WDR41: variants seen among roughly 807,000 people sequenced by gnomAD.
The protein encoded by WDR41 is WD repeat domain 41.
A neutral mutation model predicts 69.3 loss-of-function variants in WDR41; 63 were observed. The ratio of observed to expected loss-of-function variants is 0.91; its 90% CI spans 0.74 to 1.12. WDR41 has a LOEUF of 1.12. Ranked by LOEUF, WDR41 falls within the 50% of genes most tolerant of loss-of-function variation. The probability of loss-of-function intolerance (pLI) is 0.00; values close to 1 mark genes in which losing one functional copy is unlikely to be tolerated. For missense variants in WDR41, 543 were observed against 534.5 expected (o/e 1.02, Z -0.16); for synonymous variants, 185 against 192.1 (o/e 0.96, Z 0.31).
chr5:77,572,741 T>C (rs1299829719), intron 1 of WDR41, among the ~76,000 whole-genome samples: 1 of 152,248 alleles, frequency 6.6e-6, no homozygotes. Flanking sequence ...TGTCTCAAAG[T>C]GGTCAATTTC....
intron 1 of WDR41, among the ~76,000 whole-genome samples, chr5:77,490,870 A>T (rs3843485): frequency 0.33 from 49,881 of 152,208 alleles, 8,255 homozygotes; most frequent in East Asian, 0.36. Context: ...TTTTAAAAAC[A>T]GACAATACCG....
rs544675721 is a variant in WDR41, at chr5:77,533,022, A to T, written c.43-43450T>A. ...ATGTATTTTGTATTTCACAATTTTT[A>T]AAAGTAAAAAATATCTTGCATACAC... On this transcript the variant is annotated intron_variant, in intron 1 of 5. Coordinates refer to the WDR41 transcript ENST00000509971. 6.6e-5 allele frequency among the ~76,000 whole-genome samples: 10 copies of T among 152,290 alleles called. No homozygotes were observed. In the East Asian group the frequency reaches 1.7e-3, roughly 26 times the overall value.
chr5:77,463,318 T>C, intron 3 of WDR41, 92 bp from the exon 4 acceptor site: 5 of 1,143,484 alleles, frequency 4.4e-6, no homozygotes, highest in Non-Finnish European at 6.0e-6. Flanking sequence ...ATATAGAAGA[T>C]ACATATACAT....
chr5:77,478,370 C>A (rs1039627766), intron 2 of WDR41, among the ~76,000 whole-genome samples: 7 of 151,976 alleles, frequency 4.6e-5, no homozygotes, highest in Admixed American at 1.3e-4. Context: ...GAGACATAAC[C>A]GAAAAAGAGA....
At chr5:77,501,955 C>T (rs1281855351) in intron 1 of WDR41, among the ~76,000 whole-genome samples, 1 of 152,036 alleles carries the variant, frequency 6.6e-6, no homozygotes, top group Non-Finnish European at 1.5e-5. Context: ...TTCTAAACAC[C>T]AGAGTACCTC....
At chr5:77,584,393 G>T (rs1161551216) in intron 1 of WDR41, among the ~76,000 whole-genome samples, 2 of 152,178 alleles carry the variant, frequency 1.3e-5, no homozygotes, top group African/African-American at 4.8e-5. Context: ...GAGCAAGGTT[G>T]CAATAAACCA....
At chr5:77,501,013 T>C (rs188880928) in intron 1 of WDR41, among the ~76,000 whole-genome samples, 50 of 152,320 alleles carry the variant, frequency 3.3e-4, no homozygotes, top group African/African-American at 1.2e-3. Flanking sequence ...GTTCATCTCA[T>C]TGGGACTGCT....
At chr5:77,535,931 G>A (rs1020250562) in intron 1 of WDR41, among the ~76,000 whole-genome samples, 2 of 152,142 alleles carry the variant, frequency 1.3e-5, no homozygotes, top group African/African-American at 4.8e-5. Context: ...TCTTTCATCT[G>A]CCCTTATAAG....
chr5:77,526,623 A>T (rs1396016482), intron 1 of WDR41, among the ~76,000 whole-genome samples: 1 of 152,092 alleles, frequency 6.6e-6, no homozygotes, highest in Non-Finnish European at 1.5e-5. Flanking sequence ...TATATTTTTA[A>T]CACTTCAATG....
intron 8 of WDR41, among the ~76,000 whole-genome samples, chr5:77,448,188 G>A (rs896005148): frequency 6.6e-6 from 1 of 152,088 alleles, no homozygotes; most frequent in Non-Finnish European, 1.5e-5. Flanking sequence ...GTAATGGGCC[G>A]AATACTGCTG....
chr5:77,615,414 T>TG (rs1744660584), intron 1 of WDR41, among the ~76,000 whole-genome samples: 1 of 152,054 alleles, frequency 6.6e-6, no homozygotes, highest in South Asian at 2.1e-4. Flanking sequence ...TTTTTTAAAA[T>TG]GGGAAAAAGA....
chr5:77,479,926 T>C (rs1459425109), intron 2 of WDR41, among the ~76,000 whole-genome samples: 1 of 152,038 alleles, frequency 6.6e-6, no homozygotes, highest in Non-Finnish European at 1.5e-5. Flanking sequence ...CCTACTCATC[T>C]GACAAAGGGC....
At chr5:77,613,331 C>T (rs1453115354) in intron 1 of WDR41, among the ~76,000 whole-genome samples, 4 of 152,218 alleles carry the variant, frequency 2.6e-5, no homozygotes, top group East Asian at 1.9e-4. Context: ...GAGCCCGCAT[C>T]GCCAAGCCAA....
At chr5:77,539,983 C>A (rs1383988607) in intron 1 of WDR41, among the ~76,000 whole-genome samples, 2 of 152,132 alleles carry the variant, frequency 1.3e-5, no homozygotes, top group African/African-American at 4.8e-5. Context: ...TATAGCTGGG[C>A]CTTTACATAC....
At chr5:77,509,638 A>G (rs1256081782) in intron 1 of WDR41, among the ~76,000 whole-genome samples, 1 of 152,184 alleles carries the variant, frequency 6.6e-6, no homozygotes, top group Admixed American at 6.5e-5. Context: ...AAAGTCCAGA[A>G]TAGGGAATCT....
At chr5:77,482,727 C>G (rs1801331099) in intron 2 of WDR41, among the ~76,000 whole-genome samples, 1 of 152,010 alleles carries the variant, frequency 6.6e-6, no homozygotes, top group Non-Finnish European at 1.5e-5. Flanking sequence ...CATCTAAATT[C>G]ATTATTTCAT....
intron 1 of WDR41, among the ~76,000 whole-genome samples, chr5:77,497,798 T>G (rs1466749095): frequency 2.0e-5 from 3 of 152,208 alleles, no homozygotes; most frequent in African/African-American, 7.2e-5. Context: ...TGGGCCAATG[T>G]TGACATCAGC....
chr5:77,521,166 G>C (rs1427105607), intron 1 of WDR41, among the ~76,000 whole-genome samples: 1 of 152,172 alleles, frequency 6.6e-6, no homozygotes, highest in Non-Finnish European at 1.5e-5. Flanking sequence ...TTCCATGCTG[G>C]GGGTGGGTGG....
chr5:77,500,099 T>G (rs779646194), intron 1 of WDR41, among the ~76,000 whole-genome samples: 13 of 152,188 alleles, frequency 8.5e-5, no homozygotes, highest in Non-Finnish European at 1.6e-4. Context: ...TGGAAAAATA[T>G]AATCAACGGT....
Sources: allele counts gnomAD v4.1 joint callset (sites outside exome capture counted in the v4.1 genomes callset), GRCh38; gene constraint gnomAD v4.1.1; transcripts MANE v1.5; gene names NCBI Gene and HGNC (gene_info 2026-07-23, HGNC 2026-07-21).